Variants in GUF1 observed in about 807,000 individuals in gnomAD.
GUF1 encodes translation factor GUF1, mitochondrial.
In GUF1, 78 loss-of-function variants were observed where a neutral mutation model predicts 82.4. The ratio of observed to expected loss-of-function variants is 0.95; its 90% CI spans 0.79 to 1.14. The LOEUF is 1.14. GUF1 is among the 50% of genes most tolerant of loss of function. The probability of loss-of-function intolerance (pLI) is 0.00; values close to 1 mark genes in which losing one functional copy is unlikely to be tolerated. For missense variants in GUF1, 814 were observed against 798.2 expected, an observed-to-expected ratio of 1.02 and a Z score of -0.24; for synonymous variants, 279 against 282.3, an observed-to-expected ratio of 0.99 and a Z score of 0.12.
intron 5 of GUF1, 117 bp from the exon 6 acceptor site, chr4:44,683,118 T>C: frequency 9.1e-6 from 5 of 549,608 alleles, no homozygotes; most frequent in South Asian, 2.9e-5. Flanking sequence ...TGAAAAAATA[T>C]TGTAGAGGGG....
At chr4:44,683,206 CTT>C (rs1714864957) in intron 5 of GUF1, 27 bp from the exon 6 acceptor site, 2 of 435,764 alleles carry the variant, frequency 4.6e-6, no homozygotes, top group Admixed American at 1.6e-4. Flanking sequence ...CTTTATTATA[CTT>C]CACATAATGG....
In GUF1 at chr4:44,689,009, GTT is replaced by G. The variant is rs33967370; in HGVS notation, c.1079-267_1079-266del. 9.0e-4 allele frequency among the ~76,000 whole-genome samples: 133 copies of G among 148,352 alleles called. 1 individual carries two copies. Among genetic ancestry groups the G allele is most frequent in the Admixed American group, 1.5e-3 (23 of 14,870 alleles). ...TTTTCTTAATAGGCCTAATTCCCAT[GTT>G]TTTTTTTTTCTTTTCCCTGTATTTT... On this transcript the variant is annotated intron_variant, in intron 9 of 16. Coordinates refer to ENST00000281543, the MANE Select transcript of GUF1 (RefSeq NM_021927.3).
Position 44,689,278 on chromosome 4 carries a change from AT to A in GUF1, c.1079-7del. 6.4e-7 allele frequency: 1 copy of A among 1,567,616 alleles called. No homozygotes were observed. Among genetic ancestry groups the A allele is most frequent in the Non-Finnish European group, 8.7e-7 (1 of 1,155,808 alleles). ...TCACGTGATAATTAGAAATCATTGT[AT>A]CCCCAGGAATGTATCCTCTAGACCA... is the stretch of plus-strand genomic sequence containing the variant. On this transcript the variant is annotated splice_region_variant and splice_polypyrimidine_tract_variant and intron_variant, in intron 9 of 16. Coordinates refer to ENST00000281543, the MANE Select transcript of GUF1 (RefSeq NM_021927.3).
At position 44,685,963 on chromosome 4, in the gene GUF1, C is replaced by G. The variant is rs747329676; in HGVS notation, c.674C>G (p.Ser225Cys). The change falls in exon 7 of 17, where the codon TCT becomes TGT. Residue 225 changes from serine to cysteine, a missense_variant. Physicochemically the swap from Ser to Cys is moderately radical, Grantham distance 112. Coordinates refer to ENST00000281543, the MANE Select transcript of GUF1 (RefSeq NM_021927.3). ...DIPSDECIKI[S>C]AKLGTNVESV... ...TTTTCACATGTATCTTTTTAGATTT[C>G]TGCTAAACTTGGAACAAATGTTGAG... The G allele has an allele frequency of 6.3e-7, 1 of 1,596,292 alleles. No homozygotes were observed. The highest frequency in any genetic ancestry group is 1.1e-5 in the South Asian group (1 of 90,636).
rs748978158 is a variant in GUF1, at chr4:44,680,784, C to T, written c.368C>T (p.Ala123Val). The change falls in exon 3 of 17, where the codon GCA (alanine) becomes GTA (valine). Residue 123 changes from alanine to valine, a missense_variant. Ala to Val is a moderately conservative substitution (Grantham distance 64). Transcript: ENST00000281543. ...GGAATCACTGTTAAAGCACAGACAGCATCTCTCTTTTACAATTGTGAAGGA... is the reference window on the plus strand; with the variant it reads ...GGAATCACTGTTAAAGCACAGACAGTATCTCTCTTTTACAATTGTGAAGGA... ...ERGITVKAQT[A>V]SLFYNCEGKQ... The T allele has an allele frequency of 7.4e-6, 12 of 1,611,588 alleles. No individual in the cohort carries two copies. Among genetic ancestry groups the T allele is most frequent in the Non-Finnish European group, 1.0e-5 (12 of 1,178,126 alleles).
Position 44,695,699 on chromosome 4 carries a change from A to G in GUF1, c.1800A>G (p.Gln600=). ...LPRQLFEIAI[Q]AAIGSKIIAR... is the part of the protein sequence containing the mutation. ...GGCAACTGTTTGAGATAGCAATTCA[A>G]GCTGCTATTGGAAGTAAAATCATTG... The change falls in exon 15 of 17, where the codon CAA becomes CAG. Residue 600 remains glutamine, a synonymous_variant. Coordinates refer to ENST00000281543, the MANE Select transcript of GUF1 (RefSeq NM_021927.3). 1 of 1,613,352 alleles carries G rather than the reference A, an allele frequency of 6.2e-7. No individual in the cohort carries two copies.
chr4:44,693,763 A>ATTACAAGC (rs1371083257), intron 13 of GUF1, among the ~76,000 whole-genome samples: 1 of 152,132 alleles, frequency 6.6e-6, no homozygotes. Flanking sequence ...TTTGACTAAC[A>ATTACAAGC]TTACAAGCTT....
chr4:44,678,927 G>GTGAGT lies in GUF1; in HGVS notation c.165+144_165+145insTTGAG, dbSNP rs1188832762. ...GGTACAGGGAGGCAGAGCGGAGAGT[G>GTGAGT]TGAGCACTGCTCAGGTTCCCGACCC... On this transcript the variant is annotated intron_variant, in intron 1 of 16. Transcript: ENST00000281543. The GTGAGT allele has an allele frequency of 1.9e-5, 16 of 827,544 alleles. No homozygotes were observed. In the African/African-American group the frequency reaches 2.8e-4, roughly 14 times the overall value. The allele number at this position is 827,544 out of a possible 1,614,324, so 51.3% of individuals were successfully genotyped here.
intron 10 of GUF1, 92 bp from the exon 11 acceptor site, chr4:44,689,751 C>A: frequency 2.0e-6 from 2 of 1,022,052 alleles, no homozygotes; most frequent in African/African-American, 1.7e-5. Flanking sequence ...TAATTCCATC[C>A]CTCCCTTAAA....
Position 44,688,080 on chromosome 4 carries a change from T to G in GUF1, c.1012T>G (p.Cys338Gly). 6.2e-7 allele frequency: 1 copy of G among 1,612,458 alleles called. No individual in the cohort carries two copies. The highest frequency in any genetic ancestry group is 1.1e-5 in the South Asian group (1 of 91,034). The stretch of plus-strand genomic sequence containing the variant: ...TGAAGCGCAAATAGGAGATACATTA[T>G]GTTTACATAAGCAACCAGTGGAGCC... ...VTEAQIGDTL[C>G]LHKQPVEPLP... Residue 338 changes from cysteine to glycine, a missense_variant, in exon 9 of 17, where the codon TGT becomes GGT. Physicochemically the swap from Cys to Gly is radical, Grantham distance 159. Coordinates refer to ENST00000281543, the MANE Select transcript of GUF1 (RefSeq NM_021927.3).
In GUF1 at chr4:44,698,859, G is replaced by C; in HGVS notation, c.*178G>C. 1.8e-6 allele frequency: 1 copy of C among 565,830 alleles called. No homozygotes were observed. Among genetic ancestry groups the C allele is most frequent in the South Asian group, 2.2e-5 (1 of 44,842 alleles). The allele number at this position is 565,830 out of a possible 1,614,324, so 35.1% of individuals were successfully genotyped here. ...CTTAGATTTTGAAGCCATGTTGCCT[G>C]TTCTCAAATATCTGTTCCAACCACT... On this transcript the variant is annotated 3_prime_UTR_variant, in exon 17 of 17. Coordinates refer to ENST00000281543, the MANE Select transcript of GUF1 (RefSeq NM_021927.3).
intron 6 of GUF1, among the ~76,000 whole-genome samples, chr4:44,685,023 GA>G (rs1304105105): frequency 3.9e-5 from 6 of 152,140 alleles, no homozygotes; most frequent in African/African-American, 1.2e-4. Flanking sequence ...GAAAGTGGTT[GA>G]ACCAGAGTGA....
chr4:44,690,985 A>G (rs1208338556), intron 12 of GUF1, 125 bp downstream of exon 12: 14 of 508,540 alleles, frequency 2.8e-5, no homozygotes, highest in South Asian at 4.7e-5. Flanking sequence ...TTTCATATAT[A>G]TATCTGTCTA....
chr4:44,686,372 TA>T, intron 7 of GUF1, 137 bp from the exon 8 acceptor site: 1 of 505,154 alleles, frequency 2.0e-6, no homozygotes, highest in Non-Finnish European at 3.4e-6. Flanking sequence ...ATATATTTTA[TA>T]AAAAGGTCTT....
At chr4:44,691,637 T>A (rs1715450406) in intron 12 of GUF1, 29 bp from the exon 13 acceptor site, 3 of 1,564,190 alleles carry the variant, frequency 1.9e-6, no homozygotes, top group Middle Eastern at 1.9e-4. Context: ...AGGTTATCAT[T>A]AAACCCATTT....
intron 1 of GUF1, among the ~76,000 whole-genome samples, 175 bp downstream of exon 1, chr4:44,678,962 C>T (rs1387295541): frequency 6.6e-6 from 1 of 152,216 alleles, no homozygotes; most frequent in Non-Finnish European, 1.5e-5. Context: ...CTCCACTCCT[C>T]ACTAGTGTGA....
Position 44,699,363 on chromosome 4 carries a change from T to C in GUF1, c.*682T>C, listed in dbSNP as rs1244010316. On this transcript the variant is annotated 3_prime_UTR_variant, in exon 17 of 17. Transcript: ENST00000281543. ...ATGCTCGGCTAATTTTTTGTATCTT[T>C]AGTAGAGTCGGGGTTTCACCATGTT... The C allele has an allele frequency of 6.6e-6, 1 of 152,236 alleles. No individual in the cohort carries two copies. The highest frequency in any genetic ancestry group is 2.4e-5 in the African/African-American group (1 of 41,416). The allele number at this position is 152,236 out of a possible 1,614,324, so 9.4% of individuals were successfully genotyped here.
At position 44,700,076 on chromosome 4, in the gene GUF1, C is replaced by T. The variant is rs1376446035; in HGVS notation, c.*1395C>T. Reference sequence around the variant, plus strand: ...TTTAGCCATTGATTTTTATCTTCTACCTTGAATGAATTGAATGAAGAAAAT... The same window carrying T: ...TTTAGCCATTGATTTTTATCTTCTATCTTGAATGAATTGAATGAAGAAAAT... On this transcript the variant is annotated 3_prime_UTR_variant, in exon 17 of 17. Transcript: ENST00000281543. The T allele has an allele frequency of 6.6e-6, 1 of 152,078 alleles. No homozygotes were observed. Among genetic ancestry groups the T allele is most frequent in the Non-Finnish European group, 1.5e-5 (1 of 68,010 alleles). 9.4% of individuals were successfully genotyped at this position (152,078 alleles called of 1,614,324 possible).
intron 4 of GUF1, 38 bp downstream of exon 4, chr4:44,681,241 G>T: frequency 1.4e-6 from 2 of 1,407,314 alleles, no homozygotes; most frequent in South Asian, 1.2e-5. Context: ...GATATGACAT[G>T]ACTATTTGGT....
Sources: allele counts gnomAD v4.1 joint callset (sites outside exome capture counted in the v4.1 genomes callset), GRCh38; gene constraint gnomAD v4.1.1; transcripts MANE v1.5; gene names NCBI Gene and HGNC (gene_info 2026-07-23, HGNC 2026-07-21).